The following FGF12 variants were observed in gnomAD, a reference collection of about 807,000 sequenced individuals.
The protein encoded by FGF12 is fibroblast growth factor 12, also known as fibroblast growth factor 12B.
A neutral mutation model predicts 23.6 loss-of-function variants in FGF12; 14 were observed. The ratio of observed to expected loss-of-function variants is 0.59; its 90% CI spans 0.39 to 0.93. The LOEUF is 0.93. Ranked by LOEUF, FGF12 falls within the 40% of genes least tolerant of loss-of-function variation. FGF12 has a pLI of 0.00. For synonymous variants in FGF12, 62 were observed against 77.3 expected, an observed-to-expected ratio of 0.80 and a Z score of 1.04; for missense variants, 175 against 217.8, an observed-to-expected ratio of 0.80 and a Z score of 1.24.
chr3:192,413,614 A>T (rs1438649033), intron 2 of FGF12, among the ~76,000 whole-genome samples: 1 of 152,158 alleles, frequency 6.6e-6, no homozygotes, highest in East Asian at 1.9e-4. Flanking sequence ...ATCATCATTC[A>T]CTCTTGGAAT....
rs149393536 is a variant in FGF12, at chr3:192,404,499, C to T, written c.14-43961G>A. On this transcript the variant is annotated intron_variant, in intron 2 of 5. Coordinates refer to ENST00000445105, the MANE Select transcript of FGF12 (RefSeq NM_004113.6). ...AAGCTAAAGGTTGGACATGAATAAGCGTGTAATTCATACGGATGTACTAAT... is the reference window on the plus strand; with the variant it reads ...AAGCTAAAGGTTGGACATGAATAAGTGTGTAATTCATACGGATGTACTAAT... Among the ~76,000 whole-genome samples, 1,363 of 152,200 alleles carry T rather than the reference C, an allele frequency of 9.0e-3. 14 individuals are homozygous for T. The highest frequency in any genetic ancestry group is 0.014 in the Non-Finnish European group (956 of 68,004).
chr3:192,213,018 T>A (rs1718014349), intron 4 of FGF12, among the ~76,000 whole-genome samples: 1 of 152,208 alleles, frequency 6.6e-6, no homozygotes, highest in South Asian at 2.1e-4. Context: ...ATGGTCTTTG[T>A]CCCATGTTCT....
intron 5 of FGF12, among the ~76,000 whole-genome samples, chr3:192,168,083 G>C (rs917289494): frequency 2.6e-5 from 4 of 151,624 alleles, no homozygotes; most frequent in Non-Finnish European, 4.4e-5. Context: ...TTTTTAAGTG[G>C]GGTCATGAGG....
chr3:192,295,837 TA>T (rs1170752278), intron 4 of FGF12, among the ~76,000 whole-genome samples: 2 of 152,078 alleles, frequency 1.3e-5, no homozygotes, highest in Non-Finnish European at 2.9e-5. Context: ...AACTCTGATT[TA>T]AAAACTGCAA....
intron 2 of FGF12, among the ~76,000 whole-genome samples, chr3:192,540,730 G>C (rs1725344283): frequency 6.6e-6 from 1 of 152,100 alleles, no homozygotes; most frequent in South Asian, 2.1e-4. Flanking sequence ...GATGAAAGTG[G>C]GGTGTTGAAG....
chr3:192,300,814 T>C (rs761600094), intron 4 of FGF12, among the ~76,000 whole-genome samples: 55 of 151,896 alleles, frequency 3.6e-4, no homozygotes, highest in Admixed American at 2.8e-3. Flanking sequence ...ACTAGGAGTT[T>C]GAGACCACCC....
At chr3:192,695,297 T>G (rs965648327) in intron 2 of FGF12, among the ~76,000 whole-genome samples, 1 of 152,198 alleles carries the variant, frequency 6.6e-6, no homozygotes, top group African/African-American at 2.4e-5. Flanking sequence ...TTCTCTACTC[T>G]GCAGACTCTG....
chr3:192,540,357 A>C (rs1173091356), intron 2 of FGF12, among the ~76,000 whole-genome samples: 2 of 151,844 alleles, frequency 1.3e-5, no homozygotes, highest in African/African-American at 4.8e-5. Context: ...CATTTGTTTC[A>C]AGATTTTTTT....
At chr3:192,217,972 G>T (rs1407700697) in intron 4 of FGF12, among the ~76,000 whole-genome samples, 1 of 151,992 alleles carries the variant, frequency 6.6e-6, no homozygotes, top group Non-Finnish European at 1.5e-5. Flanking sequence ...GAGTAGCTGG[G>T]ATTACAGACG....
At chr3:192,453,646 A>C (rs1722591723) in intron 2 of FGF12, among the ~76,000 whole-genome samples, 1 of 151,810 alleles carries the variant, frequency 6.6e-6, no homozygotes, top group Non-Finnish European at 1.5e-5. Context: ...GAATATTTGC[A>C]TTTTTTTTGT....
intron 4 of FGF12, among the ~76,000 whole-genome samples, chr3:192,220,579 G>A (rs996650886): frequency 4.6e-5 from 7 of 151,732 alleles, no homozygotes; most frequent in East Asian, 1.9e-4. Flanking sequence ...TTTTTATTCC[G>A]CCTCTCATAC....
chr3:192,382,826 A>T (rs550032270), intron 2 of FGF12, among the ~76,000 whole-genome samples: 8 of 152,306 alleles, frequency 5.3e-5, no homozygotes, highest in Non-Finnish European at 1.5e-5. Flanking sequence ...TTTCACTTTT[A>T]TGAGGAGTAA....
At chr3:192,190,506 C>T (rs1305411553) in intron 4 of FGF12, among the ~76,000 whole-genome samples, 1 of 113,380 alleles carries the variant, frequency 8.8e-6, no homozygotes, top group Non-Finnish European at 1.6e-5. Context: ...GACTGAGTCT[C>T]GCTCTGTCGC....
Position 192,409,066 on chromosome 3 carries a change from G to T in FGF12, c.14-48528C>A. 1 of 935,354 alleles carries T rather than the reference G, an allele frequency of 1.1e-6. No individual in the cohort carries two copies. 57.9% of individuals were successfully genotyped at this position (935,354 alleles called of 1,614,324 possible). On this transcript the variant is annotated intron_variant, in intron 2 of 5. Transcript: ENST00000445105. This position sits in a 1 kb window ranked among gnomAD's most constrained non-coding sequence, Gnocchi z 4.8. The stretch of plus-strand genomic sequence containing the variant: ...AGCAGCACTGCAAAGAGAGCGGGAG[G>T]CGAGGGAGGGGGGAGGGCGCGAGGG...
chr3:192,711,137 A>T (rs988692776), intron 2 of FGF12, among the ~76,000 whole-genome samples: 1 of 152,266 alleles, frequency 6.6e-6, no homozygotes, highest in Non-Finnish European at 1.5e-5. Context: ...AATCTCTAAC[A>T]TGAAAGATAG....
At chr3:192,528,043 C>G (rs1426505245) in intron 2 of FGF12, among the ~76,000 whole-genome samples, 1 of 152,088 alleles carries the variant, frequency 6.6e-6, no homozygotes, top group Non-Finnish European at 1.5e-5. Context: ...CATATCATTC[C>G]ACACCTGGCC....
chr3:192,657,101 TG>T (rs1716457007), intron 2 of FGF12, among the ~76,000 whole-genome samples: 6 of 114,624 alleles, frequency 5.2e-5, no homozygotes, highest in Admixed American at 3.4e-4. Flanking sequence ...TCTGCTGAGT[TG>T]AGGTTTTTTT....
intron 2 of FGF12, among the ~76,000 whole-genome samples, chr3:192,647,560 T>G (rs896907232): frequency 7.2e-5 from 11 of 151,824 alleles, no homozygotes; most frequent in Non-Finnish European, 1.6e-4. Flanking sequence ...CTTATCAATT[T>G]TTCAACTTTC....
chr3:192,389,044 G>A (rs1720176387), intron 2 of FGF12, among the ~76,000 whole-genome samples: 2 of 152,076 alleles, frequency 1.3e-5, no homozygotes, highest in Admixed American at 6.6e-5. Context: ...ATAATTAATG[G>A]CTAACCAATG....
Sources: gnomAD v4.1 joint callset for allele counts (sites outside exome capture counted in the v4.1 genomes callset) on GRCh38, gnomAD v4.1.1 for gene constraint, Gnocchi (gnomAD v3.1) non-coding constraint, MANE v1.5 for transcripts, NCBI Gene and HGNC (gene_info 2026-07-23, HGNC 2026-07-21) for gene names.